The following ENTREP2 variants were observed in gnomAD, a reference collection of about 807,000 sequenced individuals.
ENTREP2 encodes the protein endosomal transmembrane epsin interactor 2, also known as protein ENTREP2.
the ENTREP2 span, among the ~76,000 whole-genome samples, chr15:29,276,405 CCTT>C: frequency 6.6e-6 from 1 of 152,204 alleles, no homozygotes; most frequent in Admixed American, 6.5e-5. Context: ...GTATCCTTTC[CCTT>C]TAGAAACAGC....
chr15:29,489,373 G>A, the ENTREP2 span, among the ~76,000 whole-genome samples: 1 of 152,140 alleles, frequency 6.6e-6, no homozygotes, highest in Admixed American at 6.5e-5. Context: ...AACTGCCAAG[G>A]ACATGAGTTA....
chr15:29,262,367 C>T, the ENTREP2 span, among the ~76,000 whole-genome samples: 1 of 152,290 alleles, frequency 6.6e-6, no homozygotes, highest in East Asian at 1.9e-4. Context: ...TGCCCCAAAC[C>T]CTAGAGGAAG....
the ENTREP2 span, chr15:29,195,020 G>C: frequency 4.4e-6 from 3 of 687,486 alleles, no homozygotes; most frequent in South Asian, 1.9e-4. Flanking sequence ...GGCTGTGAAA[G>C]GCCACAGCAG....
chr15:29,147,421 C>T, the ENTREP2 span, among the ~76,000 whole-genome samples: 3 of 151,796 alleles, frequency 2.0e-5, no homozygotes, highest in Non-Finnish European at 4.4e-5. Flanking sequence ...GAAACTGGAA[C>T]CAAAATGAAA....
At chr15:29,648,807 C>T in the ENTREP2 span, among the ~76,000 whole-genome samples, 22 of 152,148 alleles carry the variant, frequency 1.4e-4, 1 homozygote, top group African/African-American at 5.3e-4. Flanking sequence ...GGCGTGGTGG[C>T]ATGTGCCTGT....
At chr15:29,262,945 C>T in the ENTREP2 span, among the ~76,000 whole-genome samples, 4 of 152,146 alleles carry the variant, frequency 2.6e-5, no homozygotes, top group Non-Finnish European at 5.9e-5. Context: ...ACCCCCTACA[C>T]ATTTGATCAC....
chr15:29,649,904 A>AC, the ENTREP2 span, among the ~76,000 whole-genome samples: 1 of 152,118 alleles, frequency 6.6e-6, no homozygotes, highest in African/African-American at 2.4e-5. Context: ...CAGAGCTTCT[A>AC]CCACGGATAA....
At chr15:29,240,225 G>A in the ENTREP2 span, among the ~76,000 whole-genome samples, 30 of 152,226 alleles carry the variant, frequency 2.0e-4, no homozygotes, top group South Asian at 3.5e-3. Context: ...TTAGCTGGGC[G>A]TGGAGGCACA....
the ENTREP2 span, among the ~76,000 whole-genome samples, chr15:29,467,190 G>C: frequency 1.3e-5 from 2 of 152,230 alleles, no homozygotes; most frequent in East Asian, 3.9e-4. Context: ...GTGTCCTGCG[G>C]CAAAGCGATG....
At chr15:29,642,933 T>C in the ENTREP2 span, among the ~76,000 whole-genome samples, 2 of 152,100 alleles carry the variant, frequency 1.3e-5, no homozygotes, top group African/African-American at 2.4e-5. Context: ...TTTCAACAAA[T>C]GGTGCTGGGA....
At chr15:29,499,087 A>T in the ENTREP2 span, among the ~76,000 whole-genome samples, 657 of 152,310 alleles carry the variant, frequency 4.3e-3, 7 homozygotes, top group African/African-American at 0.015. Flanking sequence ...TCTTGTTTTT[A>T]AATCTATTCA....
chr15:29,545,556 T>C, the ENTREP2 span, among the ~76,000 whole-genome samples: 3 of 152,230 alleles, frequency 2.0e-5, no homozygotes, highest in Non-Finnish European at 4.4e-5. Flanking sequence ...TTGTTTATTA[T>C]AGTATTTCTT....
chr15:29,290,810 C>A, the ENTREP2 span, among the ~76,000 whole-genome samples: 1 of 152,192 alleles, frequency 6.6e-6, no homozygotes, highest in Non-Finnish European at 1.5e-5. Flanking sequence ...GCAGCTCCTG[C>A]CAGGGCATTG....
the ENTREP2 span, among the ~76,000 whole-genome samples, chr15:29,497,760 T>C: frequency 6.6e-6 from 1 of 152,280 alleles, no homozygotes; most frequent in African/African-American, 2.4e-5. Flanking sequence ...CTATTATTTT[T>C]CTAAGTTCTA....
chr15:29,541,519 AGAG>A, the ENTREP2 span, among the ~76,000 whole-genome samples: 3 of 152,212 alleles, frequency 2.0e-5, no homozygotes, highest in African/African-American at 7.2e-5. Context: ...CCAGCCATCC[AGAG>A]GAGAGGCGGG....
the ENTREP2 span, among the ~76,000 whole-genome samples, chr15:29,568,468 C>CT: frequency 2.0e-5 from 3 of 152,082 alleles, no homozygotes; most frequent in East Asian, 5.8e-4. Flanking sequence ...GAGGCAGGAG[C>CT]ATCCCTTGAG....
the ENTREP2 span, among the ~76,000 whole-genome samples, chr15:29,469,457 C>T: frequency 6.6e-6 from 1 of 152,168 alleles, no homozygotes; most frequent in Non-Finnish European, 1.5e-5. Flanking sequence ...GCCTTGGCCT[C>T]CCAAAGTGCT....
At chr15:29,639,376 T>C in the ENTREP2 span, among the ~76,000 whole-genome samples, 1 of 152,190 alleles carries the variant, frequency 6.6e-6, no homozygotes, top group African/African-American at 2.4e-5. Context: ...CTAAAAGTTC[T>C]GCCGAAAGTT....
At chr15:29,167,630 C>T in the ENTREP2 span, among the ~76,000 whole-genome samples, 196 of 152,300 alleles carry the variant, frequency 1.3e-3, 1 homozygote, top group African/African-American at 4.5e-3. Context: ...CCACGTTACT[C>T]CTGCAAGAAT....
Sources: gnomAD v4.1 joint callset for allele counts (sites outside exome capture counted in the v4.1 genomes callset) on GRCh38, gnomAD v4.1.1 for gene constraint, MANE v1.5 for transcripts, NCBI Gene and HGNC (gene_info 2026-07-23, HGNC 2026-07-21) for gene names.